Variants in ST7 observed in about 807,000 individuals in gnomAD.
The protein encoded by ST7 is suppression of tumorigenicity 7, also known as suppressor of tumorigenicity 7 protein.
Under a neutral mutation model 78.7 loss-of-function variants are expected in ST7, and 28 were observed. That is an observed-to-expected ratio of 0.36 (90% CI 0.26 to 0.49). ST7 has a LOEUF of 0.49. ST7 is among the 20% of genes least tolerant of loss of function. The probability of loss-of-function intolerance (pLI) is 0.99; values close to 1 mark genes in which losing one functional copy is unlikely to be tolerated. For synonymous variants in ST7, 247 were observed against 249.6 expected (o/e 0.99, Z 0.10); for missense variants, 418 against 696.0 (o/e 0.60, Z 4.49).
intron 10 of ST7, among the ~76,000 whole-genome samples, chr7:117,175,463 C>T (rs2117292743): frequency 6.6e-6 from 1 of 152,218 alleles, no homozygotes; most frequent in East Asian, 1.9e-4. Context: ...GAACACAGGT[C>T]TGAGCACTAT....
chr7:117,134,187 A>G lies in ST7; in HGVS notation c.705A>G (p.Leu235=). 6.2e-7 allele frequency: 1 copy of G among 1,612,006 alleles called. No individual in the cohort carries two copies. The highest frequency in any genetic ancestry group is 1.1e-5 in the South Asian group (1 of 91,006). ...CTACCATCTGGGAGATAAAATTGTT[A>G]CCAAAGTAAGTCAAGAACCTGTTGG... ...ASSTIWEIKL[L]PKCATAYILL... is the part of the protein sequence containing the mutation. The change falls in exon 7 of 16, where the codon TTA becomes TTG. Residue 235 remains leucine (L), a synonymous_variant. Transcript: ENST00000323984.
intron 12 of ST7, among the ~76,000 whole-genome samples, chr7:117,196,796 A>T (rs1367713668): frequency 2.0e-5 from 3 of 151,772 alleles, no homozygotes; most frequent in Non-Finnish European, 4.4e-5. Context: ...TTTCAGTTTG[A>T]CGTAGTCCCA....
rs527763409 is a variant in ST7, at chr7:117,120,177, G to T, written c.394+457G>T. Among the ~76,000 whole-genome samples the T allele has an allele frequency of 2.0e-5, 3 of 152,188 alleles. No individual in the cohort carries two copies. In the East Asian group the frequency reaches 5.8e-4, roughly 29 times the overall value. ...ACTCCTGGGCTCAAGTAATCTGCCC[G>T]CCTTGGCCTCCCAAAGTGCTGGGAC... On this transcript the variant is annotated intron_variant, in intron 3 of 15. Transcript: ENST00000323984.
chr7:117,014,254 G>A, intron 1 of ST7, among the ~76,000 whole-genome samples: 1 of 149,450 alleles, frequency 6.7e-6, no homozygotes, highest in Non-Finnish European at 1.5e-5. Flanking sequence ...CATTGTTAAA[G>A]TTTATTTAAA....
chr7:117,201,241 G>A (rs1584585846), intron 12 of ST7, among the ~76,000 whole-genome samples: 1 of 152,242 alleles, frequency 6.6e-6, no homozygotes, highest in Middle Eastern at 3.4e-3. Context: ...AGCTTTTTTG[G>A]ATTAGAGTAA....
chr7:117,034,881 A>G (rs1796796188), intron 1 of ST7, among the ~76,000 whole-genome samples: 1 of 152,122 alleles, frequency 6.6e-6, no homozygotes, highest in Admixed American at 6.5e-5. Context: ...GAAATAATAC[A>G]CCTAAGAGTT....
Position 117,069,464 on chromosome 7 carries a change from C to G in ST7, c.152-30298C>G, listed in dbSNP as rs144786006. The stretch of plus-strand genomic sequence containing the variant: ...GGAAGTAAATACTGGAATTTAAATG[C>G]CATTTTCCAATGGACATTCCAAATA... On this transcript the variant is annotated intron_variant, in intron 1 of 15. Coordinates refer to ENST00000323984, the MANE Select transcript of ST7 (RefSeq NM_001369598.1). 1.6e-4 allele frequency among the ~76,000 whole-genome samples: 25 copies of G among 152,266 alleles called. No homozygotes were observed. In the East Asian group the frequency reaches 4.8e-3, roughly 29 times the overall value.
At chr7:117,203,956 A>G (rs899552600) in intron 12 of ST7, among the ~76,000 whole-genome samples, 1 of 152,220 alleles carries the variant, frequency 6.6e-6, no homozygotes, top group African/African-American at 2.4e-5. Flanking sequence ...TGAATGAAGC[A>G]AAGTAACCGA....
At chr7:117,118,192 T>C (rs1331861680) in intron 2 of ST7, among the ~76,000 whole-genome samples, 3 of 152,228 alleles carry the variant, frequency 2.0e-5, no homozygotes, top group Admixed American at 1.3e-4. Flanking sequence ...AAGGAAGTGC[T>C]CATAGGAGCA....
intron 1 of ST7, among the ~76,000 whole-genome samples, chr7:117,060,234 G>A (rs1798280511): frequency 1.3e-5 from 2 of 152,152 alleles, no homozygotes; most frequent in Admixed American, 6.6e-5. Context: ...TAAAGAATAA[G>A]AGTCTATGGG....
rs530160975 is a variant in ST7 at position 117,220,283 on chromosome 7, C to T, written c.1498+1107C>T. 9.9e-5 allele frequency among the ~76,000 whole-genome samples: 15 copies of T among 152,268 alleles called. No individual in the cohort carries two copies. In the South Asian group the frequency reaches 2.5e-3, roughly 25 times the overall value. Reference sequence around the variant, plus strand: ...GCCTTCCTGCCAGCCAGACCCAGTGCGAGATTTGTTACTCAGGGAACTGGG... The same window carrying T: ...GCCTTCCTGCCAGCCAGACCCAGTGTGAGATTTGTTACTCAGGGAACTGGG... On this transcript the variant is annotated intron_variant, in intron 14 of 15. Coordinates refer to ENST00000323984, the MANE Select transcript of ST7 (RefSeq NM_001369598.1).
intron 12 of ST7, among the ~76,000 whole-genome samples, chr7:117,207,186 C>A (rs1413798637): frequency 6.6e-6 from 1 of 151,668 alleles, no homozygotes; most frequent in Non-Finnish European, 1.5e-5. Context: ...GCTGTGTTGC[C>A]CAGGCTGGAG....
rs373581636 is a variant in ST7 at position 117,046,144 on chromosome 7, A to G, written c.152-53618A>G. On this transcript the variant is annotated intron_variant, in intron 1 of 15. Transcript: ENST00000323984. The stretch of plus-strand genomic sequence containing the variant: ...AGTGGTATAAGGAAGAGTCAGACCC[A>G]TATCTGTCTGTTGGTGGTGTTTTTT... Among the ~76,000 whole-genome samples the G allele has an allele frequency of 4.6e-5, 7 of 152,190 alleles. No individual in the cohort carries two copies. The East Asian group carries it at 9.6e-4, about 21-fold the overall frequency.
chr7:117,130,894 A>G (rs1220229876), intron 5 of ST7, among the ~76,000 whole-genome samples: 3 of 151,824 alleles, frequency 2.0e-5, no homozygotes, highest in Non-Finnish European at 4.4e-5. Context: ...AAGCTAATGA[A>G]GTTCTTGGTT....
intron 12 of ST7, 108 bp from the exon 13 acceptor site, chr7:117,209,679 G>A (rs1453681396): frequency 7.7e-7 from 1 of 1,304,660 alleles, no homozygotes; most frequent in Non-Finnish European, 1.0e-6. Flanking sequence ...CAGGTTTAAT[G>A]AAATGCTTAT....
At chr7:117,011,055 A>T (rs1337534033) in intron 1 of ST7, among the ~76,000 whole-genome samples, 1 of 152,186 alleles carries the variant, frequency 6.6e-6, no homozygotes, top group Non-Finnish European at 1.5e-5. Context: ...CCCAGGCCAC[A>T]TTGTCCTAAG....
intron 10 of ST7, among the ~76,000 whole-genome samples, chr7:117,185,501 T>G (rs1042564140): frequency 1.3e-5 from 2 of 152,224 alleles, no homozygotes; most frequent in African/African-American, 4.8e-5. Flanking sequence ...GATGGAGTAG[T>G]CCCCTCTTAT....
At chr7:117,170,799 T>A (rs534843608) in intron 9 of ST7, 63 bp from the exon 10 acceptor site, 1 of 659,026 alleles carries the variant, frequency 1.5e-6, no homozygotes, top group South Asian at 4.6e-5. Flanking sequence ...TAATAAAATA[T>A]GTACAATAAA....
rs113598281 is a variant in ST7 at position 117,173,066 on chromosome 7, G to A, written c.1078+2090G>A. On this transcript the variant is annotated intron_variant, in intron 10 of 15. Transcript: ENST00000323984. ...TTCACATTATTTGTTACAACAGCCC[G>A]TCCCACCCTCCACTGAAACTTGGCT... 1.8e-3 allele frequency among the ~76,000 whole-genome samples: 276 copies of A among 152,276 alleles called. 1 individual carries two copies. Among genetic ancestry groups the A allele is most frequent in the African/African-American group, 4.2e-3 (175 of 41,568 alleles).
Sources: gnomAD v4.1 joint callset for allele counts (sites outside exome capture counted in the v4.1 genomes callset) on GRCh38, gnomAD v4.1.1 for gene constraint, MANE v1.5 for transcripts, NCBI Gene and HGNC (gene_info 2026-07-23, HGNC 2026-07-21) for gene names.